BMP2K: variants seen among roughly 807,000 people sequenced by gnomAD.
BMP2K encodes the protein BMP2 inducible kinase, also known as BMP-2-inducible protein kinase.
Under a neutral mutation model 116.0 loss-of-function variants are expected in BMP2K, and 74 were observed. That is an observed-to-expected ratio of 0.64 (90% confidence interval 0.53 to 0.77). The LOEUF is 0.77. Ranked by LOEUF, BMP2K falls within the 30% of genes least tolerant of loss-of-function variation. BMP2K has a pLI of 0.00. For synonymous variants in BMP2K, 486 were observed against 502.5 expected (o/e 0.97, Z 0.44); for missense variants, 1,365 against 1,403.6 (o/e 0.97, Z 0.44).
intron 15 of BMP2K, among the ~76,000 whole-genome samples, chr4:78,907,387 A>G (rs1187397160): frequency 6.6e-6 from 1 of 152,204 alleles, no homozygotes; most frequent in Non-Finnish European, 1.5e-5. Context: ...TAGGGAGTAC[A>G]ATGTAATAAT....
At chr4:78,843,253 C>G (rs1476966892) in intron 4 of BMP2K, among the ~76,000 whole-genome samples, 1 of 151,900 alleles carries the variant, frequency 6.6e-6, no homozygotes, top group Non-Finnish European at 1.5e-5. Context: ...TCCTTCAGGT[C>G]TGCTCAGGTT....
chr4:78,905,866 G>A (rs971834572), intron 15 of BMP2K, among the ~76,000 whole-genome samples: 1 of 151,838 alleles, frequency 6.6e-6, no homozygotes, highest in Non-Finnish European at 1.5e-5. Context: ...GAGTATGAAG[G>A]TTTATGGCAT....
chr4:78,879,248 C>T (rs2110067418), intron 14 of BMP2K: 2 of 1,017,280 alleles, frequency 2.0e-6, no homozygotes, highest in Non-Finnish European at 1.2e-6. Context: ...TTTTGCAGCT[C>T]TGTTTTTCTG....
intron 1 of BMP2K, among the ~76,000 whole-genome samples, chr4:78,788,750 G>A (rs1727858413): frequency 6.6e-6 from 1 of 151,724 alleles, no homozygotes; most frequent in East Asian, 1.9e-4. Flanking sequence ...CTATCCATAG[G>A]GATGGTTGGA....
chr4:78,834,597 A>G (rs750827738), intron 3 of BMP2K, among the ~76,000 whole-genome samples: 2 of 152,096 alleles, frequency 1.3e-5, no homozygotes, highest in Non-Finnish European at 2.9e-5. Context: ...GGAGGCAAAT[A>G]TTCTATTTCC....
At chr4:78,901,071 C>T (rs7692418) in intron 15 of BMP2K, among the ~76,000 whole-genome samples, 20,251 of 152,034 alleles carry the variant, frequency 0.13, 2,494 homozygotes, top group African/African-American at 0.33. Context: ...AGATAAGAGT[C>T]TTGCTCTGTT....
intron 15 of BMP2K, among the ~76,000 whole-genome samples, chr4:78,889,519 T>G (rs1733311127): frequency 6.6e-6 from 1 of 152,216 alleles, no homozygotes. Flanking sequence ...TGTATAATTT[T>G]TAGGTAAAAA....
intron 7 of BMP2K, among the ~76,000 whole-genome samples, chr4:78,857,202 AT>A (rs1257829380): frequency 6.6e-6 from 1 of 152,080 alleles, no homozygotes; most frequent in Non-Finnish European, 1.5e-5. Context: ...GTTCTTCTTT[AT>A]TAAAATAAAT....
At chr4:78,886,530 A>G (rs1224046229) in intron 14 of BMP2K, among the ~76,000 whole-genome samples, 2 of 152,206 alleles carry the variant, frequency 1.3e-5, no homozygotes, top group Admixed American at 6.5e-5. Context: ...TTGACCTTAC[A>G]TGCCAGTTGC....
At chr4:78,901,512 A>C (rs200784160) in intron 15 of BMP2K, among the ~76,000 whole-genome samples, 2 of 152,310 alleles carry the variant, frequency 1.3e-5, no homozygotes, top group East Asian at 1.9e-4. Context: ...TTCCACTACC[A>C]GTATCTGTTT....
intron 15 of BMP2K, among the ~76,000 whole-genome samples, chr4:78,891,095 C>A (rs537683715): frequency 1.3e-5 from 2 of 152,216 alleles, no homozygotes; most frequent in Admixed American, 1.3e-4. Context: ...TAAACTGATA[C>A]CTGATTGATA....
At chr4:78,907,304 A>T (rs1353088684) in intron 15 of BMP2K, among the ~76,000 whole-genome samples, 1 of 152,214 alleles carries the variant, frequency 6.6e-6, no homozygotes, top group Admixed American at 6.5e-5. Flanking sequence ...AATGAGAAGT[A>T]TAAAGTGACA....
At chr4:78,831,084 T>TG (rs1345525748) in intron 2 of BMP2K, among the ~76,000 whole-genome samples, 7 of 152,228 alleles carry the variant, frequency 4.6e-5, no homozygotes, top group African/African-American at 1.7e-4. Context: ...ACGATAATTG[T>TG]GGGACTCTTC....
intron 15 of BMP2K, among the ~76,000 whole-genome samples, chr4:78,892,697 TAAAG>T (rs987366101): frequency 4.6e-5 from 7 of 152,182 alleles, no homozygotes; most frequent in African/African-American, 1.7e-4. Context: ...TATTTTGCAA[TAAAG>T]AGAGGGACAC....
chr4:78,828,574 G>C (rs1469814909), intron 2 of BMP2K, among the ~76,000 whole-genome samples: 2 of 152,134 alleles, frequency 1.3e-5, no homozygotes, highest in African/African-American at 4.8e-5. Context: ...GGTGAAAGGA[G>C]GGCAGGAGAG....
chr4:78,857,265 C>T (rs1294157959), intron 7 of BMP2K, among the ~76,000 whole-genome samples: 1 of 151,994 alleles, frequency 6.6e-6, no homozygotes, highest in Non-Finnish European at 1.5e-5. Flanking sequence ...GGAATCAGTA[C>T]AGTTAGACTA....
intron 3 of BMP2K, among the ~76,000 whole-genome samples, chr4:78,838,068 T>A (rs886226216): frequency 2.0e-5 from 3 of 152,232 alleles, no homozygotes; most frequent in Non-Finnish European, 4.4e-5. Flanking sequence ...CAGTTCCATG[T>A]GGCTGGGGAA....
intron 3 of BMP2K, among the ~76,000 whole-genome samples, chr4:78,840,441 T>C (rs1363928004): frequency 6.6e-6 from 1 of 152,148 alleles, no homozygotes; most frequent in Non-Finnish European, 1.5e-5. Context: ...TCTCAGGCGA[T>C]AGATGATTGG....
chr4:78,814,993 G>A (rs1337898107), intron 1 of BMP2K, among the ~76,000 whole-genome samples: 1 of 152,016 alleles, frequency 6.6e-6, no homozygotes, highest in Admixed American at 6.6e-5. Flanking sequence ...TTGGGAAATT[G>A]GATGAACACT....
Sources: allele counts gnomAD v4.1 joint callset (sites outside exome capture counted in the v4.1 genomes callset), GRCh38; gene constraint gnomAD v4.1.1; transcripts MANE v1.5; gene names NCBI Gene and HGNC (gene_info 2026-07-23, HGNC 2026-07-21).